ANK3: variants seen among roughly 807,000 people sequenced by gnomAD.
ANK3 encodes ankyrin-3.
Under a neutral mutation model 370.9 loss-of-function variants are expected in ANK3, and 57 were observed. The observed-to-expected ratio is 0.15, with a 90% CI of 0.12 to 0.19. ANK3 has a LOEUF of 0.19. Among genes scored for constraint, ANK3 ranks in the 10% least tolerant of loss-of-function variants. The pLI is 1.00. For missense variants in ANK3, 4,439 were observed against 5,302.1 expected (o/e 0.84, Z 5.06); for synonymous variants, 1,929 against 1,946.3 (o/e 0.99, Z 0.23).
intron 2 of ANK3, among the ~76,000 whole-genome samples, chr10:60,462,805 T>C (rs1197493163): frequency 3.3e-5 from 5 of 152,200 alleles, no homozygotes; most frequent in Admixed American, 6.5e-5. Flanking sequence ...TTAAAAACTC[T>C]CCAGGTACCC....
Position 60,431,857 on chromosome 10 carries a change from A to G in ANK3, c.97-152218T>C, listed in dbSNP as rs117996408. ...ACAAAAAGGTCCCACATTCAGCCAT[A>G]TACATCTAAACAATTCTTCGTGGTG... On this transcript the variant is annotated intron_variant, in intron 2 of 43. Transcript: ENST00000373827. Among the ~76,000 whole-genome samples the G allele has an allele frequency of 2.9e-4, 44 of 152,334 alleles. No homozygotes were observed. In the East Asian group the frequency reaches 7.9e-3, roughly 27 times the overall value.
intron 18 of ANK3, among the ~76,000 whole-genome samples, chr10:60,175,529 A>T (rs978936995): frequency 1.3e-5 from 2 of 152,218 alleles, no homozygotes; most frequent in African/African-American, 4.8e-5. Context: ...TGCCTCACTG[A>T]TAACATCATT....
chr10:60,626,876 C>T (rs1043469495), intron 1 of ANK3, among the ~76,000 whole-genome samples: 2 of 151,990 alleles, frequency 1.3e-5, no homozygotes, highest in African/African-American at 2.4e-5. Context: ...TGTAGTCAGA[C>T]TGAGGACCAG....
chr10:60,558,110 C>A (rs1013448364), intron 2 of ANK3, among the ~76,000 whole-genome samples: 35 of 152,062 alleles, frequency 2.3e-4, no homozygotes, highest in African/African-American at 8.0e-4. Flanking sequence ...TGCAGCAAAC[C>A]CCACCTATTA....
intron 25 of ANK3, among the ~76,000 whole-genome samples, chr10:60,133,862 T>C (rs910291824): frequency 1.3e-5 from 2 of 152,130 alleles, no homozygotes; most frequent in Non-Finnish European, 2.9e-5. Context: ...GAGGCTGCAG[T>C]GAGCTGACAT....
intron 2 of ANK3, among the ~76,000 whole-genome samples, chr10:60,400,041 T>C (rs978672671): frequency 7.5e-5 from 9 of 119,818 alleles, no homozygotes; most frequent in Admixed American, 7.5e-4. Context: ...TGTGTGTGTG[T>C]GTGTGTGTGT....
chr10:60,341,473 T>C (rs936661036), intron 1 of ANK3, among the ~76,000 whole-genome samples: 8 of 152,170 alleles, frequency 5.3e-5, no homozygotes, highest in Admixed American at 1.3e-4. Context: ...TCATAATTAA[T>C]TGATATAAGT....
intron 2 of ANK3, among the ~76,000 whole-genome samples, chr10:60,454,308 ACAATC>A (rs2064689367): frequency 1.3e-5 from 2 of 152,224 alleles, no homozygotes; most frequent in African/African-American, 4.8e-5. Flanking sequence ...GAGAAAAAGA[ACAATC>A]CACAGAAAAT....
At chr10:60,719,871 G>T (rs192751287) in intron 1 of ANK3, among the ~76,000 whole-genome samples, 24 of 152,188 alleles carry the variant, frequency 1.6e-4, no homozygotes, top group Non-Finnish European at 2.6e-4. Context: ...GCACATTATG[G>T]CACTGTTTGC....
At chr10:60,547,147 G>A (rs1178854909) in intron 2 of ANK3, among the ~76,000 whole-genome samples, 2 of 142,828 alleles carry the variant, frequency 1.4e-5, no homozygotes, top group African/African-American at 2.6e-5. Flanking sequence ...CTGCAGTGCA[G>A]TGGTGTGATC....
chr10:60,425,337 G>C (rs1319293517), intron 2 of ANK3, among the ~76,000 whole-genome samples: 4 of 152,068 alleles, frequency 2.6e-5, no homozygotes, highest in Non-Finnish European at 5.9e-5. Flanking sequence ...AAAGGAGTTT[G>C]GGAGCTACTA....
intron 2 of ANK3, among the ~76,000 whole-genome samples, chr10:60,458,047 A>G (rs10047260): frequency 0.35 from 53,801 of 151,884 alleles, 9,670 homozygotes; most frequent in South Asian, 0.47. Flanking sequence ...TAAAAGGGGT[A>G]AGGATGGAAA....
chr10:60,569,152 A>C (rs1331468181), intron 2 of ANK3, among the ~76,000 whole-genome samples: 1 of 152,198 alleles, frequency 6.6e-6, no homozygotes, highest in Non-Finnish European at 1.5e-5. Flanking sequence ...TAAAATAAGC[A>C]CTTCTGCAGT....
At chr10:60,196,344 A>G (rs1380094977) in intron 15 of ANK3, 101 bp from the exon 16 acceptor site, 8 of 1,131,946 alleles carry the variant, frequency 7.1e-6, no homozygotes, top group Non-Finnish European at 9.0e-6. Context: ...CATAGGGCAT[A>G]TTTACATTCC....
chr10:60,372,244 C>T (rs2060197430), intron 1 of ANK3, among the ~76,000 whole-genome samples: 1 of 152,132 alleles, frequency 6.6e-6, no homozygotes, highest in Admixed American at 6.5e-5. Context: ...TGCCTTCTCC[C>T]CAAAACAACT....
chr10:60,132,324 G>C (rs934333522), intron 25 of ANK3, among the ~76,000 whole-genome samples: 3 of 152,100 alleles, frequency 2.0e-5, no homozygotes, highest in Admixed American at 6.5e-5. Flanking sequence ...ACCTGTTGTG[G>C]GAGGGACCTG....
At chr10:60,464,067 C>T (rs1341501757) in intron 2 of ANK3, among the ~76,000 whole-genome samples, 1 of 152,084 alleles carries the variant, frequency 6.6e-6, no homozygotes, top group Non-Finnish European at 1.5e-5. Flanking sequence ...AACTTTGTGC[C>T]TTCTATGTGG....
intron 43 of ANK3, among the ~76,000 whole-genome samples, chr10:60,035,063 T>G (rs2074607258): frequency 2.0e-5 from 3 of 152,098 alleles, no homozygotes. Context: ...GTTTTAGCAG[T>G]GAAAGAAAAA....
At chr10:60,195,041 A>C (rs2096561905) in intron 16 of ANK3, among the ~76,000 whole-genome samples, 1 of 152,178 alleles carries the variant, frequency 6.6e-6, no homozygotes. Flanking sequence ...CATTAGGTTT[A>C]AAGGAGAGCA....
Sources: gnomAD v4.1 joint callset for allele counts (sites outside exome capture counted in the v4.1 genomes callset) on GRCh38, gnomAD v4.1.1 for gene constraint, MANE v1.5 for transcripts, NCBI Gene and HGNC (gene_info 2026-07-23, HGNC 2026-07-21) for gene names.